PRKCQ: variants seen among roughly 807,000 people sequenced by gnomAD.
PRKCQ encodes protein kinase C theta, also known as protein kinase C theta type.
Under a neutral mutation model 91.2 loss-of-function variants are expected in PRKCQ, and 41 were observed. That is an observed-to-expected ratio of 0.45 (90% CI 0.35 to 0.58). The LOEUF (loss-of-function observed/expected upper bound fraction) is 0.58. Ranked by LOEUF, PRKCQ falls within the 20% of genes least tolerant of loss-of-function variation. The probability of loss-of-function intolerance (pLI) is 0.00; values close to 1 mark genes in which losing one functional copy is unlikely to be tolerated. For missense variants in PRKCQ, 673 were observed against 896.5 expected (o/e 0.75, Z 3.18); for synonymous variants, 307 against 316.9 (o/e 0.97, Z 0.33).
chr10:6,523,596 T>C (rs1839097056), intron 1 of PRKCQ, among the ~76,000 whole-genome samples: 1 of 152,218 alleles, frequency 6.6e-6, no homozygotes, highest in Non-Finnish European at 1.5e-5. Context: ...AGACCAAGTG[T>C]TGCCCTCCTG....
At chr10:6,470,962 C>T (rs948982542) in intron 12 of PRKCQ, among the ~76,000 whole-genome samples, 3 of 150,948 alleles carry the variant, frequency 2.0e-5, no homozygotes, top group Admixed American at 2.0e-4. Flanking sequence ...GACCTGATAG[C>T]TACAGTGGGT....
In PRKCQ at chr10:6,448,331, G is replaced by A. The variant is rs544899247; in HGVS notation, c.1648-6250C>T. On this transcript the variant is annotated intron_variant, in intron 15 of 17. Coordinates refer to ENST00000263125, the MANE Select transcript of PRKCQ (RefSeq NM_006257.5). ...CCGGTGGCAACTTTAGGGAGAAGGTGACTGTTTGAGGGGAGGGTCACAGAC... is the reference window on the plus strand; with the variant it reads ...CCGGTGGCAACTTTAGGGAGAAGGTAACTGTTTGAGGGGAGGGTCACAGAC... Among the ~76,000 whole-genome samples the A allele has an allele frequency of 9.2e-5, 14 of 152,288 alleles. 1 individual carries two copies. In the South Asian group the frequency reaches 2.5e-3, roughly 27 times the overall value.
chr10:6,563,339 C>T (rs997708320), intron 1 of PRKCQ, among the ~76,000 whole-genome samples: 2 of 151,882 alleles, frequency 1.3e-5, no homozygotes, highest in East Asian at 1.9e-4. Flanking sequence ...TCTGGAGGTG[C>T]GTGGGTGGGA....
At chr10:6,475,502 A>C (rs1836223707) in intron 12 of PRKCQ, among the ~76,000 whole-genome samples, 1 of 152,242 alleles carries the variant, frequency 6.6e-6, no homozygotes, top group South Asian at 2.1e-4. Flanking sequence ...CTAATTAATA[A>C]CAAGTGAATA....
intron 17 of PRKCQ, among the ~76,000 whole-genome samples, chr10:6,429,127 G>C (rs970797080): frequency 2.0e-5 from 3 of 152,212 alleles, no homozygotes; most frequent in Non-Finnish European, 4.4e-5. Flanking sequence ...CACCCTCCAA[G>C]GGGCCCTGGG....
intron 15 of PRKCQ, among the ~76,000 whole-genome samples, chr10:6,454,964 C>T (rs1009388905): frequency 6.6e-5 from 10 of 152,068 alleles, no homozygotes; most frequent in African/African-American, 1.9e-4. Flanking sequence ...GAAGGTTTGC[C>T]GTGGAAAAGA....
At chr10:6,466,649 C>T (rs554177362) in intron 12 of PRKCQ, among the ~76,000 whole-genome samples, 1 of 152,256 alleles carries the variant, frequency 6.6e-6, no homozygotes, top group South Asian at 2.1e-4. Flanking sequence ...GATGGATAAG[C>T]CTTTTAAAAG....
At chr10:6,561,405 A>C (rs531609794) in intron 1 of PRKCQ, among the ~76,000 whole-genome samples, 2 of 151,344 alleles carry the variant, frequency 1.3e-5, no homozygotes, top group East Asian at 3.9e-4. Context: ...AAGAAACAAG[A>C]AAAAAAGAAA....
chr10:6,462,267 A>C, intron 14 of PRKCQ, 36 bp downstream of exon 14: 1 of 1,574,068 alleles, frequency 6.4e-7, no homozygotes, highest in Non-Finnish European at 8.7e-7. Context: ...AGGAAAGCCG[A>C]TATCTTAGCA....
intron 12 of PRKCQ, among the ~76,000 whole-genome samples, chr10:6,473,810 T>C (rs1836122814): frequency 6.6e-6 from 1 of 152,196 alleles, no homozygotes; most frequent in African/African-American, 2.4e-5. Context: ...CTTAAAACTA[T>C]GGAAATACCA....
intron 1 of PRKCQ, among the ~76,000 whole-genome samples, chr10:6,566,039 T>A (rs939829836): frequency 6.6e-6 from 1 of 152,216 alleles, no homozygotes; most frequent in African/African-American, 2.4e-5. Flanking sequence ...TTACCTTATA[T>A]TCCAGAAACA....
At chr10:6,484,141 T>C (rs77697869) in intron 10 of PRKCQ, among the ~76,000 whole-genome samples, 26 of 152,348 alleles carry the variant, frequency 1.7e-4, no homozygotes, top group African/African-American at 6.3e-4. Flanking sequence ...TGGCCGGGTA[T>C]GGTGGCTCAC....
chr10:6,498,150 C>A (rs751681975), intron 5 of PRKCQ, among the ~76,000 whole-genome samples: 2 of 151,644 alleles, frequency 1.3e-5, no homozygotes, highest in Admixed American at 6.6e-5. Flanking sequence ...CCCCAATAGC[C>A]CCCCCATTGA....
intron 7 of PRKCQ, among the ~76,000 whole-genome samples, chr10:6,492,362 A>G (rs1837363298): frequency 6.6e-6 from 1 of 152,104 alleles, no homozygotes; most frequent in African/African-American, 2.4e-5. Flanking sequence ...AAGAGGAGGG[A>G]GCAGTTCCTG....
In PRKCQ at chr10:6,456,788, C is replaced by T; in HGVS notation, c.1533G>A (p.Leu511=). Residue 511 remains leucine (L), a synonymous_variant, in exon 15 of 18, where the codon CTG becomes CTA. Coordinates refer to ENST00000263125, the MANE Select transcript of PRKCQ (RefSeq NM_006257.5). ...VYRDLKLDNI[L]LDKDGHIKIA... is the part of the protein sequence containing the mutation. ...TCTTGATATGTCCATCTTTGTCTAA[C>T]AGGATGTTATCTAGCTTCAGGTCCC... 1 of 1,614,088 alleles carries T rather than the reference C, an allele frequency of 6.2e-7. No homozygotes were observed. The highest frequency in any genetic ancestry group is 8.5e-7 in the Non-Finnish European group (1 of 1,179,986).
At chr10:6,532,022 G>GCAT (rs1162388692) in intron 1 of PRKCQ, among the ~76,000 whole-genome samples, 1 of 152,080 alleles carries the variant, frequency 6.6e-6, no homozygotes, top group African/African-American at 2.4e-5. Flanking sequence ...ACTCTTCCAG[G>GCAT]CATCACTCAG....
At chr10:6,454,153 C>T (rs1834878734) in intron 15 of PRKCQ, among the ~76,000 whole-genome samples, 2 of 152,034 alleles carry the variant, frequency 1.3e-5, no homozygotes, top group South Asian at 4.1e-4. Flanking sequence ...CCTTTTTAGG[C>T]ATTGATAACA....
At chr10:6,418,995 C>G in the PRKCQ span, among the ~76,000 whole-genome samples, 1 of 130,574 alleles carries the variant, frequency 7.7e-6, no homozygotes, top group Non-Finnish European at 1.8e-5. Context: ...ATCTATCTAT[C>G]TATCTATCTT....
At chr10:6,529,000 G>C (rs990035811) in intron 1 of PRKCQ, among the ~76,000 whole-genome samples, 2 of 152,224 alleles carry the variant, frequency 1.3e-5, no homozygotes, top group African/African-American at 4.8e-5. Flanking sequence ...GATATAAACA[G>C]AGATGGAGTT....
Sources: allele counts gnomAD v4.1 joint callset (sites outside exome capture counted in the v4.1 genomes callset), GRCh38; gene constraint gnomAD v4.1.1; transcripts MANE v1.5; gene names NCBI Gene and HGNC (gene_info 2026-07-23, HGNC 2026-07-21).